Variants in CROT observed in about 807,000 individuals in gnomAD.
CROT encodes carnitine O-octanoyltransferase, also known as peroxisomal carnitine O-octanoyltransferase.
A neutral mutation model predicts 89.2 loss-of-function variants in CROT; 84 were observed. The ratio of observed to expected loss-of-function variants is 0.94; its 90% CI spans 0.79 to 1.13. The LOEUF (loss-of-function observed/expected upper bound fraction) is 1.13. Among genes scored for constraint, CROT ranks in the 50% most tolerant of loss-of-function variants. The pLI is 0.00. For missense variants in CROT, 711 were observed against 727.8 expected (o/e 0.98, Z 0.27); for synonymous variants, 212 against 239.5 (o/e 0.89, Z 1.06).
Position 87,382,057 on chromosome 7 carries a change from G to A in CROT, c.1063-17G>A. ...AGTTCTATAGATAAAATATTTTTAA[G>A]TCTTCCCTATTTTCAGGGTTCAGAG... is the stretch of plus-strand genomic sequence containing the variant. On this transcript the variant is annotated splice_polypyrimidine_tract_variant and intron_variant, in intron 11 of 17. Transcript: ENST00000331536. 1 of 1,587,232 alleles carries A rather than the reference G, an allele frequency of 6.3e-7. No homozygotes were observed. The highest frequency in any genetic ancestry group is 8.6e-7 in the Non-Finnish European group (1 of 1,158,956).
chr7:87,348,486 C>T (rs1254863925), intron 2 of CROT, among the ~76,000 whole-genome samples: 2 of 152,254 alleles, frequency 1.3e-5, no homozygotes, highest in East Asian at 3.9e-4. Flanking sequence ...ACTTTGTGCT[C>T]CAAAGTTTTC....
At chr7:87,383,105 C>T (rs905527630) in intron 13 of CROT, among the ~76,000 whole-genome samples, 2 of 152,136 alleles carry the variant, frequency 1.3e-5, no homozygotes, top group Admixed American at 6.6e-5. Context: ...ATTACGTCTT[C>T]GTGTGGGGAA....
chr7:87,360,995 GTCTT>G (rs1190591769), intron 4 of CROT, among the ~76,000 whole-genome samples: 2 of 152,098 alleles, frequency 1.3e-5, no homozygotes, highest in African/African-American at 4.8e-5. Flanking sequence ...TTGAGACAGG[GTCTT>G]TCTCTGTCAC....
intron 13 of CROT, 49 bp downstream of exon 13, chr7:87,382,592 T>G: frequency 1.3e-6 from 2 of 1,539,854 alleles, no homozygotes; most frequent in Non-Finnish European, 1.7e-6. Context: ...TCCAAGGGTA[T>G]ATCTTTTTTT....
At chr7:87,363,161 A>T (rs529839509) in intron 6 of CROT, among the ~76,000 whole-genome samples, 1 of 152,084 alleles carries the variant, frequency 6.6e-6, no homozygotes, top group Non-Finnish European at 1.5e-5. Flanking sequence ...AGATAAGGTA[A>T]CTCTTTTGGG....
At chr7:87,390,490 C>T (rs1392828736) in intron 13 of CROT, among the ~76,000 whole-genome samples, 1 of 152,124 alleles carries the variant, frequency 6.6e-6, no homozygotes, top group East Asian at 1.9e-4. Flanking sequence ...CTCCTTCACA[C>T]TTTGAAGGGA....
intron 9 of CROT, 90 bp downstream of exon 9, chr7:87,376,043 AC>A (rs1336333043): frequency 1.6e-6 from 2 of 1,275,686 alleles, no homozygotes; most frequent in Non-Finnish European, 2.1e-6. Flanking sequence ...TTCTTTTTCT[AC>A]CTTTAGGCTC....
chr7:87,378,818 C>T (rs1298598019), intron 10 of CROT, among the ~76,000 whole-genome samples: 3 of 152,158 alleles, frequency 2.0e-5, no homozygotes, highest in African/African-American at 7.2e-5. Context: ...CAAACCACTA[C>T]AAAGTGGTGC....
At chr7:87,395,270 G>T (rs1257988735) in intron 17 of CROT, among the ~76,000 whole-genome samples, 3 of 151,858 alleles carry the variant, frequency 2.0e-5, no homozygotes, top group Non-Finnish European at 2.9e-5. Flanking sequence ...GTCTTTTCAG[G>T]TTTTTCTGCC....
At chr7:87,349,271 G>T in intron 3 of CROT, 88 bp downstream of exon 3, 1 of 576,344 alleles carries the variant, frequency 1.7e-6, no homozygotes, top group South Asian at 3.6e-5. Context: ...TCTCGATCCA[G>T]ACTCTAAGAG....
intron 6 of CROT, among the ~76,000 whole-genome samples, chr7:87,366,098 G>A (rs958908284): frequency 1.3e-5 from 2 of 152,150 alleles, no homozygotes; most frequent in South Asian, 2.1e-4. Flanking sequence ...CTACCCTCAC[G>A]ACTTCCCCAA....
At chr7:87,381,076 A>G (rs1010954853) in intron 10 of CROT, among the ~76,000 whole-genome samples, 1 of 152,146 alleles carries the variant, frequency 6.6e-6, no homozygotes, top group Non-Finnish European at 1.5e-5. Context: ...TTAGGGTGAC[A>G]TTTAAGACAC....
intron 2 of CROT, 62 bp from the exon 3 acceptor site, chr7:87,348,986 C>T: frequency 1.5e-6 from 1 of 655,124 alleles, no homozygotes; most frequent in Non-Finnish European, 2.7e-6. Flanking sequence ...GTGAATTGTA[C>T]CTAGGATACG....
chr7:87,359,360 A>G, intron 4 of CROT, 30 bp downstream of exon 4: 1 of 1,556,288 alleles, frequency 6.4e-7, no homozygotes, highest in Non-Finnish European at 8.7e-7. Context: ...AATAATGATG[A>G]TGTTTAAAGA....
intron 6 of CROT, among the ~76,000 whole-genome samples, chr7:87,362,929 A>T (rs980986830): frequency 1.3e-5 from 2 of 152,182 alleles, no homozygotes; most frequent in African/African-American, 4.8e-5. Context: ...TCAAGCCCAC[A>T]TATATTTACC....
rs1584651930 is a variant in CROT, at chr7:87,393,037, A to G, written c.1688A>G (p.Tyr563Cys). The G allele has an allele frequency of 1.2e-6, 2 of 1,613,476 alleles. No individual in the cohort carries two copies. The highest frequency in any genetic ancestry group is 2.2e-5 in the East Asian group (1 of 44,846). The change falls in exon 17 of 18, where the codon TAT becomes TGT. Residue 563 changes from tyrosine to cysteine, a missense_variant. Coordinates refer to ENST00000331536, the MANE Select transcript of CROT (RefSeq NM_021151.4). The part of the protein sequence containing the change: ...GVVVPMVHNG[Y>C]GFFYHIRDDR... ...GTAGTTCCCATGGTACACAATGGTT[A>G]TGGATTTTTCTACCATATCAGAGAT...
At chr7:87,386,086 TC>T (rs1395104774) in intron 13 of CROT, among the ~76,000 whole-genome samples, 2 of 152,228 alleles carry the variant, frequency 1.3e-5, no homozygotes, top group Non-Finnish European at 2.9e-5. Flanking sequence ...GTTGAGGATT[TC>T]TGCATCTGTG....
intron 13 of CROT, among the ~76,000 whole-genome samples, chr7:87,389,862 T>C (rs987639238): frequency 1.3e-5 from 2 of 152,224 alleles, no homozygotes; most frequent in Non-Finnish European, 2.9e-5. Context: ...TGCCAGAAAC[T>C]AGCTCATCAT....
chr7:87,367,709 C>A (rs1051803487), intron 6 of CROT, among the ~76,000 whole-genome samples: 1 of 152,114 alleles, frequency 6.6e-6, no homozygotes, highest in African/African-American at 2.4e-5. Context: ...CTTGCTTTTG[C>A]ATTATCCTCT....
Sources: gnomAD v4.1 joint callset for allele counts (sites outside exome capture counted in the v4.1 genomes callset) on GRCh38, gnomAD v4.1.1 for gene constraint, MANE v1.5 for transcripts, NCBI Gene and HGNC (gene_info 2026-07-23, HGNC 2026-07-21) for gene names.